SLC16A7: variants seen among roughly 807,000 people sequenced by gnomAD.
SLC16A7 encodes the protein monocarboxylate transporter 2.
A neutral mutation model predicts 34.9 loss-of-function variants in SLC16A7; 33 were observed. The observed-to-expected ratio is 0.94, with a 90% CI of 0.72 to 1.26. The LOEUF (loss-of-function observed/expected upper bound fraction) is 1.26. Ranked by LOEUF, SLC16A7 falls within the 50% of genes most tolerant of loss-of-function variation. The pLI is 0.00. For missense variants in SLC16A7, 573 were observed against 578.1 expected (o/e 0.99, Z 0.09); for synonymous variants, 201 against 206.6 (o/e 0.97, Z 0.23).
intron 2 of SLC16A7, among the ~76,000 whole-genome samples, chr12:59,679,893 A>T (rs1447062096): frequency 6.6e-6 from 1 of 152,186 alleles, no homozygotes; most frequent in Non-Finnish European, 1.5e-5. Context: ...CAAGGTAGAA[A>T]GTTATTGCCA....
At position 59,787,523 on chromosome 12, in the gene SLC16A7, G is replaced by A. The variant is rs957056020; in HGVS notation, c.*7844G>A. The A allele has an allele frequency of 6.6e-6, 1 of 152,040 alleles. No individual in the cohort carries two copies. The highest frequency in any genetic ancestry group is 1.5e-5 in the Non-Finnish European group (1 of 68,024). The allele number at this position is 152,040 out of a possible 1,614,324, so 9.4% of individuals were successfully genotyped here. ...AAACTTTCTCCTTTATTCCCATGTA[G>A]AGAACAAACAAAAATCACACCTAAA... On this transcript the variant is annotated 3_prime_UTR_variant, in exon 6 of 6. Transcript: ENST00000547379.
intron 3 of SLC16A7, among the ~76,000 whole-genome samples, chr12:59,734,871 C>A (rs2706308): frequency 6.6e-6 from 1 of 152,062 alleles, no homozygotes; most frequent in African/African-American, 2.4e-5. Flanking sequence ...TAGCTATATT[C>A]TTTAAAATCT....
chr12:59,674,536 G>T (rs565232470), intron 2 of SLC16A7, among the ~76,000 whole-genome samples: 11 of 152,202 alleles, frequency 7.2e-5, no homozygotes, highest in Non-Finnish European at 1.6e-4. Flanking sequence ...GGTGGGGAAA[G>T]CAGAGGAAAT....
chr12:59,787,534 A>C lies in SLC16A7; in HGVS notation c.*7855A>C, dbSNP rs971532430. 1 of 152,184 alleles carries C rather than the reference A, an allele frequency of 6.6e-6. No homozygotes were observed. The highest frequency in any genetic ancestry group is 1.5e-5 in the Non-Finnish European group (1 of 68,034). 9.4% of individuals were successfully genotyped at this position (152,184 alleles called of 1,614,324 possible). A position where few individuals can be genotyped will look rare whatever the true frequency, so the allele number is the denominator to read the frequency against. On this transcript the variant is annotated 3_prime_UTR_variant, in exon 6 of 6. Transcript: ENST00000547379. ...TTTATTCCCATGTAGAGAACAAACA[A>C]AAATCACACCTAAATTAAAGATCTG...
chr12:59,750,871 T>C (rs2711688), intron 3 of SLC16A7, among the ~76,000 whole-genome samples: 18,636 of 152,134 alleles, frequency 0.12, 1,491 homozygotes, highest in African/African-American at 0.22. Flanking sequence ...CATGGAATAC[T>C]ATGTAGCCAT....
chr12:59,644,263 G>A lies in SLC16A7; in HGVS notation c.-129-10889G>A, dbSNP rs867827419. ...ACAACCTAGACCCTGGCTTTAGTGC[G>A]CATCAAAAGTTATAAAGTCTTGTCC... On this transcript the variant is annotated intron_variant, in intron 1 of 5. Transcript: ENST00000547379. 7.9e-5 allele frequency among the ~76,000 whole-genome samples: 12 copies of A among 152,184 alleles called. No homozygotes were observed. In the Middle Eastern group the frequency reaches 0.014, roughly 173 times the overall value.
At chr12:59,740,872 A>G (rs1878241964) in intron 3 of SLC16A7, among the ~76,000 whole-genome samples, 1 of 152,178 alleles carries the variant, frequency 6.6e-6, no homozygotes, top group African/African-American at 2.4e-5. Context: ...GTCTCAGGAT[A>G]CAAAATCAAT....
intron 2 of SLC16A7, among the ~76,000 whole-genome samples, chr12:59,655,643 A>T (rs12317152): frequency 0.018 from 2,690 of 151,934 alleles, 39 homozygotes; most frequent in Middle Eastern, 0.051. Flanking sequence ...ACTTTTAGTT[A>T]TTTACCTTTA....
At chr12:59,658,823 A>G (rs1055857213) in intron 2 of SLC16A7, among the ~76,000 whole-genome samples, 2 of 152,080 alleles carry the variant, frequency 1.3e-5, no homozygotes, top group African/African-American at 4.8e-5. Context: ...AAAGCTAGGA[A>G]AGTTTTTAAA....
rs1216664320 is a variant in SLC16A7, at chr12:59,786,210, T to TAA, written c.*6532_*6533dup. On this transcript the variant is annotated 3_prime_UTR_variant, in exon 6 of 6. Coordinates refer to ENST00000547379, the MANE Select transcript of SLC16A7 (RefSeq NM_001270623.2). ...TAATAATAAATAAAATAAAATAAAA[T>TAA]AATAAAAATAAAAATAAAATAGAAT... 57 of 150,144 alleles carry TAA rather than the reference T, an allele frequency of 3.8e-4. No homozygotes were observed. Among genetic ancestry groups the TAA allele is most frequent in the African/African-American group, 1.4e-3 (56 of 40,538 alleles). The allele number at this position is 150,144 out of a possible 1,614,324, so 9.3% of individuals were successfully genotyped here.
chr12:59,751,466 C>T (rs1489902372), intron 3 of SLC16A7, among the ~76,000 whole-genome samples: 3 of 152,228 alleles, frequency 2.0e-5, no homozygotes, highest in Non-Finnish European at 4.4e-5. Context: ...GCACCTGGCT[C>T]GTAGGGTCTT....
At chr12:59,777,352 A>T (rs762309683) in intron 5 of SLC16A7, among the ~76,000 whole-genome samples, 8 of 152,138 alleles carry the variant, frequency 5.3e-5, no homozygotes, top group Non-Finnish European at 8.8e-5. Flanking sequence ...GTATTTGATT[A>T]TCGCTAGAAC....
At chr12:59,749,211 T>C (rs2711692) in intron 3 of SLC16A7, among the ~76,000 whole-genome samples, 18,670 of 152,178 alleles carry the variant, frequency 0.12, 1,499 homozygotes, top group African/African-American at 0.22. Context: ...AATTTATGAT[T>C]AGGACTGCCC....
At chr12:59,708,973 C>T (rs1238303606) in intron 3 of SLC16A7, among the ~76,000 whole-genome samples, 2 of 151,694 alleles carry the variant, frequency 1.3e-5, no homozygotes, top group East Asian at 3.9e-4. Flanking sequence ...ATAGGTCAAA[C>T]AGTGTGGTCA....
In SLC16A7 at chr12:59,774,630, C is replaced by T. The variant is rs758198391; in HGVS notation, c.362-27C>T. 32 of 1,409,558 alleles carry T rather than the reference C, an allele frequency of 2.3e-5. No homozygotes were observed. In the African/African-American group the frequency reaches 4.0e-4, roughly 18 times the overall value. 87.3% of individuals were successfully genotyped at this position (1,409,558 alleles called of 1,614,324 possible). On this transcript the variant is annotated intron_variant, in intron 4 of 5. Coordinates refer to ENST00000547379, the MANE Select transcript of SLC16A7 (RefSeq NM_001270623.2). ...GAGTGCCATAATGTGTTTGTGTTTT[C>T]CCCCACTTTTGTTTTGTTCTTTTTA...
intron 1 of SLC16A7, among the ~76,000 whole-genome samples, chr12:59,644,505 T>C (rs949781816): frequency 2.6e-5 from 4 of 152,118 alleles, no homozygotes; most frequent in African/African-American, 9.7e-5. Flanking sequence ...AGGTGGAAAC[T>C]GCAGTAAGCC....
chr12:59,758,457 A>C (rs1880646772), intron 3 of SLC16A7, among the ~76,000 whole-genome samples: 1 of 152,124 alleles, frequency 6.6e-6, no homozygotes, highest in Non-Finnish European at 1.5e-5. Flanking sequence ...ATCCTCAAAA[A>C]GGGGAGTAGA....
chr12:59,643,624 G>A (rs1308574237), intron 1 of SLC16A7, among the ~76,000 whole-genome samples: 1 of 152,134 alleles, frequency 6.6e-6, no homozygotes, highest in East Asian at 1.9e-4. Flanking sequence ...GGCTTCTTAT[G>A]TACTTACTTC....
intron 1 of SLC16A7, among the ~76,000 whole-genome samples, chr12:59,600,700 G>C (rs1434256744): frequency 1.3e-5 from 2 of 152,094 alleles, no homozygotes; most frequent in African/African-American, 4.8e-5. Context: ...AAAAATGTGG[G>C]AGAAAATTAA....
Sources: allele counts gnomAD v4.1 joint callset (sites outside exome capture counted in the v4.1 genomes callset), GRCh38; gene constraint gnomAD v4.1.1; transcripts MANE v1.5; gene names NCBI Gene and HGNC (gene_info 2026-07-23, HGNC 2026-07-21).